LAMA2: variants seen among roughly 807,000 people sequenced by gnomAD.
LAMA2 encodes the protein laminin subunit alpha 2, also known as laminin subunit alpha-2.
A neutral mutation model predicts 364.8 loss-of-function variants in LAMA2; 269 were observed. The observed-to-expected ratio is 0.74, with a 90% CI of 0.67 to 0.82. The LOEUF is 0.82. Ranked by LOEUF, LAMA2 falls within the 40% of genes least tolerant of loss-of-function variation. LAMA2 has a pLI of 0.00. For missense variants in LAMA2, 3,807 were observed against 3,873.2 expected (o/e 0.98, Z 0.45); for synonymous variants, 1,379 against 1,370.6 (o/e 1.01, Z -0.14).
chr6:129,145,079 A>G (rs906491261), intron 5 of LAMA2, among the ~76,000 whole-genome samples: 1 of 152,030 alleles, frequency 6.6e-6, no homozygotes, highest in Non-Finnish European at 1.5e-5. Context: ...GTATGACTAG[A>G]GGTATAGCTA....
chr6:129,269,950 C>T (rs371183241), intron 16 of LAMA2, among the ~76,000 whole-genome samples: 1 of 152,042 alleles, frequency 6.6e-6, no homozygotes, highest in East Asian at 1.9e-4. Context: ...TTTCAAATAT[C>T]ACCAGTTACT....
At chr6:129,019,674 A>G (rs192002336) in intron 1 of LAMA2, among the ~76,000 whole-genome samples, 2 of 152,088 alleles carry the variant, frequency 1.3e-5, no homozygotes, top group Admixed American at 6.5e-5. Flanking sequence ...TTTAATGTTG[A>G]TTCTTCTTTT....
intron 4 of LAMA2, among the ~76,000 whole-genome samples, chr6:129,128,790 A>G (rs1285937550): frequency 6.6e-6 from 1 of 152,202 alleles, no homozygotes; most frequent in Non-Finnish European, 1.5e-5. Flanking sequence ...AACTCCAAGT[A>G]TATTTCATAG....
intron 1 of LAMA2, among the ~76,000 whole-genome samples, chr6:128,885,144 A>G (rs1485488356): frequency 1.3e-5 from 2 of 152,176 alleles, no homozygotes; most frequent in African/African-American, 4.8e-5. Flanking sequence ...ACAATCTACT[A>G]TAGGCTGCTA....
chr6:128,920,912 T>C (rs1187708279), intron 1 of LAMA2, among the ~76,000 whole-genome samples: 2 of 152,128 alleles, frequency 1.3e-5, no homozygotes, highest in African/African-American at 4.8e-5. Flanking sequence ...GATTATTGAA[T>C]ATCAAGAAAG....
At chr6:128,891,648 C>A (rs1776457012) in intron 1 of LAMA2, among the ~76,000 whole-genome samples, 2 of 152,028 alleles carry the variant, frequency 1.3e-5, no homozygotes, top group African/African-American at 4.8e-5. Context: ...ACATGACATT[C>A]TCTGGCTGAA....
At chr6:129,116,382 C>T (rs1300265856) in intron 4 of LAMA2, among the ~76,000 whole-genome samples, 1 of 152,094 alleles carries the variant, frequency 6.6e-6, no homozygotes, top group Non-Finnish European at 1.5e-5. Context: ...TCTTGACTCT[C>T]AGTGATTTTG....
chr6:129,182,938 T>TA (rs1781014748), intron 10 of LAMA2, among the ~76,000 whole-genome samples: 1 of 151,824 alleles, frequency 6.6e-6, no homozygotes, highest in South Asian at 2.1e-4. Context: ...TAATTGAATG[T>TA]AAAAAAGAAT....
At chr6:128,993,995 A>G (rs1419088311) in intron 1 of LAMA2, among the ~76,000 whole-genome samples, 1 of 152,210 alleles carries the variant, frequency 6.6e-6, no homozygotes, top group Non-Finnish European at 1.5e-5. Context: ...TGTGAATCCA[A>G]TTTTAAGAGT....
chr6:129,190,386 C>A, intron 11 of LAMA2, 41 bp downstream of exon 11: 1 of 1,603,802 alleles, frequency 6.2e-7, no homozygotes, highest in Non-Finnish European at 8.5e-7. Context: ...GCCCCAGCAG[C>A]CTTCTTTGTT....
At chr6:128,895,713 A>G (rs922807913) in intron 1 of LAMA2, among the ~76,000 whole-genome samples, 8 of 152,138 alleles carry the variant, frequency 5.3e-5, no homozygotes, top group Non-Finnish European at 1.0e-4. Context: ...TTAGCAGAAG[A>G]GATTTTTATT....
chr6:128,920,917 A>G (rs1021472028), intron 1 of LAMA2, among the ~76,000 whole-genome samples: 6 of 152,220 alleles, frequency 3.9e-5, no homozygotes, highest in African/African-American at 1.4e-4. Context: ...TTGAATATCA[A>G]GAAAGGAACA....
At chr6:129,289,575 A>G (rs1015322522) in intron 19 of LAMA2, among the ~76,000 whole-genome samples, 1 of 150,972 alleles carries the variant, frequency 6.6e-6, no homozygotes. Flanking sequence ...AATAACCCCC[A>G]CCCCCATAAA....
intron 12 of LAMA2, among the ~76,000 whole-genome samples, chr6:129,205,282 C>T (rs1232758297): frequency 6.6e-6 from 1 of 151,444 alleles, no homozygotes; most frequent in Admixed American, 6.6e-5. Flanking sequence ...GTCCCAGCTA[C>T]TTGAGAGGCT....
At chr6:129,005,572 A>G (rs141223695) in intron 1 of LAMA2, among the ~76,000 whole-genome samples, 25 of 151,872 alleles carry the variant, frequency 1.6e-4, no homozygotes, top group African/African-American at 6.0e-4. Context: ...TTTTAATCAA[A>G]TTTCAGATCC....
chr6:129,342,302 A>C (rs375512959), intron 29 of LAMA2, 41 bp from the exon 30 acceptor site: 17 of 1,586,076 alleles, frequency 1.1e-5, no homozygotes, highest in Non-Finnish European at 1.5e-5. Flanking sequence ...TCTAACTATC[A>C]CTAAATTAAA....
At chr6:129,085,126 T>A (rs1221825052) in intron 3 of LAMA2, among the ~76,000 whole-genome samples, 1 of 152,238 alleles carries the variant, frequency 6.6e-6, no homozygotes, top group African/African-American at 2.4e-5. Context: ...GAAATACTAC[T>A]TCTGTTTCCT....
In LAMA2 at chr6:129,188,711, A is replaced by G. The variant is rs140689599; in HGVS notation, c.1468-1494A>G. 3.4e-3 allele frequency among the ~76,000 whole-genome samples: 521 copies of G among 152,098 alleles called. 4 individuals are homozygous for G. Among genetic ancestry groups the G allele is most frequent in the African/African-American group, 0.012 (489 of 41,558 alleles). On this transcript the variant is annotated intron_variant, in intron 10 of 64. Transcript: ENST00000421865. ...CACAAATCTTGGGGCAGTGCTTATT[A>G]AGGTTCCCACATAGAAGTGGCTGAG...
At chr6:129,095,103 C>T (rs1371446081) in intron 3 of LAMA2, among the ~76,000 whole-genome samples, 15 of 152,232 alleles carry the variant, frequency 9.9e-5, no homozygotes, top group Non-Finnish European at 2.2e-4. Flanking sequence ...AATATAGCAT[C>T]TTTAACCCAT....
Sources: allele counts gnomAD v4.1 joint callset (sites outside exome capture counted in the v4.1 genomes callset), GRCh38; gene constraint gnomAD v4.1.1; transcripts MANE v1.5; gene names NCBI Gene and HGNC (gene_info 2026-07-23, HGNC 2026-07-21).